Variants in MAL observed in about 807,000 individuals in gnomAD.
MAL encodes myelin and lymphocyte protein.
Under a neutral mutation model 16.7 loss-of-function variants are expected in MAL, and 5 were observed. The ratio of observed to expected loss-of-function variants is 0.30; its 90% CI spans 0.16 to 0.63. The LOEUF is 0.63. MAL is among the 30% of genes least tolerant of loss of function. The probability of loss-of-function intolerance (pLI) is 0.82; values close to 1 mark genes in which losing one functional copy is unlikely to be tolerated. For missense variants in MAL, 202 were observed against 195.8 expected, an observed-to-expected ratio of 1.03 and a Z score of -0.19; for synonymous variants, 96 against 85.5, an observed-to-expected ratio of 1.12 and a Z score of -0.67.
Position 95,047,989 on chromosome 2 carries a change from G to GCCTCCTCCCTGGTGC in MAL, c.128_142dup (p.Ser43_Pro47dup). The GCCTCCTCCCTGGTGC allele has an allele frequency of 6.2e-7, 1 of 1,613,824 alleles. No individual in the cohort carries two copies. The highest frequency in any genetic ancestry group is 8.5e-7 in the Non-Finnish European group (1 of 1,179,922). On this transcript the variant is annotated inframe_insertion, in exon 2 of 4. Transcript: ENST00000309988. ...CGGGGGCCTGGTGTGGATCCTGGTG[G>GCCTCCTCCCTGGTGC]CCTCCTCCCTGGTGCCCTGGCCCCT...
At chr2:95,037,948 GTGAGTGAGTGAC>G (rs1674288889) in intron 1 of MAL, among the ~76,000 whole-genome samples, 1 of 150,468 alleles carries the variant, frequency 6.6e-6, no homozygotes, top group African/African-American at 2.5e-5. Context: ...GAGTAACTGA[GTGAGTGAGTGAC>G]TGAGTGAGTG....
At chr2:95,044,897 C>T (rs1674550742) in intron 1 of MAL, among the ~76,000 whole-genome samples, 1 of 152,244 alleles carries the variant, frequency 6.6e-6, no homozygotes, top group African/African-American at 2.4e-5. Context: ...TGATTCCTCA[C>T]ACCAGTCACA....
At chr2:95,030,604 T>A (rs1431647513) in intron 1 of MAL, among the ~76,000 whole-genome samples, 1 of 152,110 alleles carries the variant, frequency 6.6e-6, no homozygotes, top group Non-Finnish European at 1.5e-5. Flanking sequence ...TCAGGACTTG[T>A]GAAGGAAGTG....
chr2:95,047,912 TG>T, intron 1 of MAL, 46 bp from the exon 2 acceptor site: 1 of 1,583,020 alleles, frequency 6.3e-7, no homozygotes, highest in Non-Finnish European at 8.6e-7. Context: ...CTTCCTGGGC[TG>T]GGGCTCTCCT....
intron 1 of MAL, among the ~76,000 whole-genome samples, chr2:95,033,434 G>A (rs1674134635): frequency 6.6e-6 from 1 of 152,134 alleles, no homozygotes; most frequent in Non-Finnish European, 1.5e-5. Context: ...GGGCCAGGGA[G>A]GGAGAAGCCG....
chr2:95,028,857 A>G (rs1261419833), intron 1 of MAL, among the ~76,000 whole-genome samples: 1 of 152,248 alleles, frequency 6.6e-6, no homozygotes, highest in Non-Finnish European at 1.5e-5. Context: ...AGATAAATCC[A>G]TAGAGACAGA....
At chr2:95,031,324 C>T (rs1439488694) in intron 1 of MAL, among the ~76,000 whole-genome samples, 1 of 152,116 alleles carries the variant, frequency 6.6e-6, no homozygotes, top group Non-Finnish European at 1.5e-5. Context: ...CTTCTCTCCC[C>T]CAACAGGAAT....
At chr2:95,044,192 CATATGAAAGTTCAAA>C (rs1294888037) in intron 1 of MAL, 1 of 152,154 alleles carries the variant, frequency 6.6e-6, no homozygotes, top group African/African-American at 2.4e-5. Flanking sequence ...TGATTCCATT[CATATGAAAGTTCAAA>C]ATATGGAAGT....
chr2:95,026,613 G>T (rs756484583), intron 1 of MAL: 5 of 152,052 alleles, frequency 3.3e-5, no homozygotes, highest in Non-Finnish European at 5.9e-5. Context: ...TGCACGCACG[G>T]TCTCTGCCTG....
chr2:95,034,477 G>A (rs1012846370), intron 1 of MAL, among the ~76,000 whole-genome samples: 12 of 152,342 alleles, frequency 7.9e-5, no homozygotes, highest in Middle Eastern at 3.4e-3. Context: ...GCCCGCAGGC[G>A]TAGGAATGAA....
intron 1 of MAL, among the ~76,000 whole-genome samples, chr2:95,027,672 C>T (rs1673974854): frequency 6.6e-6 from 1 of 152,172 alleles, no homozygotes; most frequent in Non-Finnish European, 1.5e-5. Flanking sequence ...ATTAAAGGGC[C>T]TGAGAAGGCG....
At chr2:95,042,555 C>T (rs1182370275) in intron 1 of MAL, among the ~76,000 whole-genome samples, 2 of 152,220 alleles carry the variant, frequency 1.3e-5, no homozygotes, top group Non-Finnish European at 2.9e-5. Flanking sequence ...TCTGCAGCCA[C>T]CCAACTGGAG....
intron 1 of MAL, among the ~76,000 whole-genome samples, chr2:95,036,076 A>T (rs917371296): frequency 1.6e-4 from 25 of 152,170 alleles, no homozygotes; most frequent in Non-Finnish European, 2.4e-4. Context: ...AACACTGTCT[A>T]AGGCTAGCTG....
In MAL at chr2:95,047,954, C is replaced by T. The variant is rs779511420; in HGVS notation, c.94-5C>T. The T allele has an allele frequency of 1.4e-5, 23 of 1,612,782 alleles. No homozygotes were observed. The highest frequency in any genetic ancestry group is 1.2e-4 in the African/African-American group (9 of 74,904). On this transcript the variant is annotated splice_polypyrimidine_tract_variant and splice_region_variant and intron_variant, in intron 1 of 3. Transcript: ENST00000309988. ...CCAAAACTCACCCCTCCTCCTCCCC[C>T]GCAGATCTTCGGGGGCCTGGTGTGG...
chr2:95,043,374 T>A (rs1674515400), intron 1 of MAL, among the ~76,000 whole-genome samples: 1 of 152,260 alleles, frequency 6.6e-6, no homozygotes, highest in South Asian at 2.1e-4. Flanking sequence ...AGAAGCTTCA[T>A]ACTCACATCT....
chr2:95,049,989 C>T (rs867484810), intron 3 of MAL, among the ~76,000 whole-genome samples: 4 of 152,214 alleles, frequency 2.6e-5, no homozygotes, highest in African/African-American at 4.8e-5. Context: ...GCGCCCTGTC[C>T]GAGTGCTCCC....
At chr2:95,034,126 C>G (rs956827800) in intron 1 of MAL, among the ~76,000 whole-genome samples, 1 of 152,244 alleles carries the variant, frequency 6.6e-6, no homozygotes, top group African/African-American at 2.4e-5. Context: ...GTTCCATTCT[C>G]AGGCAGGTGC....
At chr2:95,042,815 AAATATTTG>A (rs1372890792) in intron 1 of MAL, among the ~76,000 whole-genome samples, 1 of 152,150 alleles carries the variant, frequency 6.6e-6, no homozygotes, top group African/African-American at 2.4e-5. Flanking sequence ...TGCTCTGGAC[AAATATTTG>A]GCCAGCGGGG....
intron 1 of MAL, among the ~76,000 whole-genome samples, chr2:95,035,871 G>A (rs1674193245): frequency 3.9e-5 from 6 of 151,914 alleles, no homozygotes; most frequent in Admixed American, 2.0e-4. Flanking sequence ...GGGTTTCACC[G>A]TGTTAGCCAG....
Sources: allele counts gnomAD v4.1 joint callset (sites outside exome capture counted in the v4.1 genomes callset), GRCh38; gene constraint gnomAD v4.1.1; transcripts MANE v1.5; gene names NCBI Gene and HGNC (gene_info 2026-07-23, HGNC 2026-07-21).